Variants in EYA4 observed in about 807,000 individuals in gnomAD.
The protein encoded by EYA4 is protein phosphatase EYA4.
Under a neutral mutation model 87.9 loss-of-function variants are expected in EYA4, and 31 were observed. The ratio of observed to expected loss-of-function variants is 0.35; its 90% CI spans 0.27 to 0.48. The LOEUF (loss-of-function observed/expected upper bound fraction) is 0.48. Among genes scored for constraint, EYA4 ranks in the 20% least tolerant of loss-of-function variants. EYA4 has a pLI of 0.99. For missense variants in EYA4, 678 were observed against 761.4 expected, an observed-to-expected ratio of 0.89 and a Z score of 1.29; for synonymous variants, 263 against 270.6, an observed-to-expected ratio of 0.97 and a Z score of 0.28.
rs77541639 is a variant in EYA4 at position 133,294,385 on chromosome 6, T to A, written c.33+19572T>A. ...TTTTTGTTTTTTTTGTTTTTTTTTTTAAGAGACAGTCTTACTTCATTGCCC... is the reference window on the plus strand; with the variant it reads ...TTTTTGTTTTTTTTGTTTTTTTTTTAAAGAGACAGTCTTACTTCATTGCCC... On this transcript the variant is annotated intron_variant, in intron 2 of 19. Coordinates refer to ENST00000355286, the MANE Select transcript of EYA4 (RefSeq NM_004100.5). 9.1e-4 allele frequency among the ~76,000 whole-genome samples: 138 copies of A among 151,008 alleles called. 2 individuals carry two copies. The highest frequency in any genetic ancestry group is 3.2e-3 in the African/African-American group (132 of 41,170).
At chr6:133,274,199 G>A (rs1776977384) in intron 1 of EYA4, among the ~76,000 whole-genome samples, 1 of 151,864 alleles carries the variant, frequency 6.6e-6, no homozygotes. Flanking sequence ...TTAACATATT[G>A]TCTTTTTAAG....
rs769960534 is a variant in EYA4, at chr6:133,531,220, G to A, written c.*2415G>A. 33 of 1,534,528 alleles carry A rather than the reference G, an allele frequency of 2.2e-5. No homozygotes were observed. The highest frequency in any genetic ancestry group is 2.6e-5 in the Non-Finnish European group (30 of 1,146,520). ...GATTCTGTGTTCAGAAGAGGCTGCC[G>A]GCATAAAACCTAAATGCAAGGTTGA... On this transcript the variant is annotated 3_prime_UTR_variant, in exon 20 of 20. Coordinates refer to ENST00000355286, the MANE Select transcript of EYA4 (RefSeq NM_004100.5).
chr6:133,530,741 A>T lies in EYA4; in HGVS notation c.*1936A>T. On this transcript the variant is annotated 3_prime_UTR_variant, in exon 20 of 20. Coordinates refer to ENST00000355286, the MANE Select transcript of EYA4 (RefSeq NM_004100.5). Reference sequence around the variant, plus strand: ...TTTTGTACAAGATTGTGATTTCATTATCTAAACCTTAAACTTAATCCTTTA... The same window carrying T: ...TTTTGTACAAGATTGTGATTTCATTTTCTAAACCTTAAACTTAATCCTTTA... The T allele has an allele frequency of 3.0e-6, 3 of 986,178 alleles. No homozygotes were observed. Among genetic ancestry groups the T allele is most frequent in the Non-Finnish European group, 3.6e-6 (3 of 830,048 alleles). The allele number at this position is 986,178 out of a possible 1,614,324, so 61.1% of individuals were successfully genotyped here.
At chr6:133,482,223 A>G (rs1796276269) in intron 12 of EYA4, among the ~76,000 whole-genome samples, 1 of 152,222 alleles carries the variant, frequency 6.6e-6, no homozygotes, top group African/African-American at 2.4e-5. Context: ...TAAGAAAAAA[A>G]TTGAACTTCC....
chr6:133,277,269 C>T (rs6569874), intron 2 of EYA4, among the ~76,000 whole-genome samples: 51,313 of 151,908 alleles, frequency 0.34, 9,126 homozygotes, highest in African/African-American at 0.43. Flanking sequence ...CACTATTTTA[C>T]AGATGAAACT....
At chr6:133,246,645 T>C (rs1774432022) in intron 1 of EYA4, among the ~76,000 whole-genome samples, 1 of 152,158 alleles carries the variant, frequency 6.6e-6, no homozygotes, top group Non-Finnish European at 1.5e-5. Flanking sequence ...TCCTAAAGTG[T>C]ATTTTTAAAT....
intron 2 of EYA4, among the ~76,000 whole-genome samples, chr6:133,292,820 A>AG (rs1470161672): frequency 6.6e-6 from 1 of 152,228 alleles, no homozygotes; most frequent in Non-Finnish European, 1.5e-5. Flanking sequence ...CCTGAATGTC[A>AG]ACCCTTTGGC....
chr6:133,375,126 G>C (rs1199832898), intron 2 of EYA4, among the ~76,000 whole-genome samples: 1 of 152,018 alleles, frequency 6.6e-6, no homozygotes, highest in Non-Finnish European at 1.5e-5. Context: ...GTATTGAGAA[G>C]TGTTGACACA....
intron 13 of EYA4, among the ~76,000 whole-genome samples, chr6:133,495,743 G>T (rs1253222972): frequency 6.6e-6 from 1 of 152,026 alleles, no homozygotes; most frequent in Non-Finnish European, 1.5e-5. Flanking sequence ...TAACCTGCAG[G>T]GCCTGTTGAG....
At chr6:133,461,453 C>A (rs914314853) in intron 7 of EYA4, among the ~76,000 whole-genome samples, 1 of 152,060 alleles carries the variant, frequency 6.6e-6, no homozygotes, top group African/African-American at 2.4e-5. Context: ...TACATTTTAT[C>A]TAAATGTCAA....
chr6:133,294,023 T>A (rs1390131764), intron 2 of EYA4, among the ~76,000 whole-genome samples: 10 of 78,778 alleles, frequency 1.3e-4, no homozygotes, highest in Non-Finnish European at 2.5e-4. Context: ...TAGGGTGATT[T>A]TATATATATA....
chr6:133,450,212 C>T (rs530246335), intron 5 of EYA4, among the ~76,000 whole-genome samples: 1 of 152,214 alleles, frequency 6.6e-6, no homozygotes, highest in South Asian at 2.1e-4. Flanking sequence ...GTCTCGATCT[C>T]CTGACTTCGT....
At chr6:133,508,467 G>A (rs1281917226) in intron 14 of EYA4, among the ~76,000 whole-genome samples, 1 of 152,040 alleles carries the variant, frequency 6.6e-6, no homozygotes, top group East Asian at 1.9e-4. Context: ...GCATTGTAAA[G>A]AGGATCTTAA....
intron 5 of EYA4, among the ~76,000 whole-genome samples, chr6:133,454,861 C>G (rs1026880231): frequency 6.6e-6 from 1 of 152,032 alleles, no homozygotes; most frequent in African/African-American, 2.4e-5. Flanking sequence ...AGAAGAGACA[C>G]TGTCATGAGC....
chr6:133,254,073 T>G (rs141493953), intron 1 of EYA4, among the ~76,000 whole-genome samples: 17 of 152,290 alleles, frequency 1.1e-4, no homozygotes, highest in African/African-American at 4.1e-4. Context: ...TACTCCAACT[T>G]ATTTAAAGCC....
rs115007792 is a variant in EYA4, at chr6:133,408,451, G to A, written c.83+26010G>A. Among the ~76,000 whole-genome samples, 873 of 152,050 alleles carry A rather than the reference G, an allele frequency of 5.7e-3. 5 individuals are homozygous for A. Among genetic ancestry groups the A allele is most frequent in the African/African-American group, 0.019 (785 of 41,464 alleles). On this transcript the variant is annotated intron_variant, in intron 3 of 19. Coordinates refer to ENST00000355286, the MANE Select transcript of EYA4 (RefSeq NM_004100.5). ...ATTTGGTCTGGTTCTTAGAATCTAC[G>A]CATAAGATTAAATGAATCTCAGCAA...
chr6:133,420,671 C>G (rs1790143446), intron 3 of EYA4, among the ~76,000 whole-genome samples: 1 of 152,158 alleles, frequency 6.6e-6, no homozygotes, highest in Non-Finnish European at 1.5e-5. Flanking sequence ...TGACCTTGAC[C>G]AACTTTAACA....
Position 133,394,282 on chromosome 6 carries a change from G to GTA in EYA4, c.83+11842_83+11843insAT, listed in dbSNP as rs1562368948. On this transcript the variant is annotated intron_variant, in intron 3 of 19. Coordinates refer to ENST00000355286, the MANE Select transcript of EYA4 (RefSeq NM_004100.5). Reference sequence around the variant, plus strand: ...GTTGGAAAAATGTATATATAAGCTTGTGTTTTTTTTTTTTTTTTTTTTTTT... The same window carrying GTA: ...GTTGGAAAAATGTATATATAAGCTTGTATGTTTTTTTTTTTTTTTTTTTTTTT... Among the ~76,000 whole-genome samples the GTA allele has an allele frequency of 6.2e-4, 67 of 107,810 alleles. 5 individuals carry two copies. The highest frequency in any genetic ancestry group is 5.0e-3 in the Middle Eastern group (1 of 202). The allele number at this position is 107,810 out of a possible 152,430, so 70.7% of individuals were successfully genotyped here.
At chr6:133,415,218 G>C (rs896323901) in intron 3 of EYA4, among the ~76,000 whole-genome samples, 2 of 152,148 alleles carry the variant, frequency 1.3e-5, no homozygotes, top group Non-Finnish European at 2.9e-5. Context: ...CTCATTACTG[G>C]GTAGGTAAGT....
Sources: allele counts gnomAD v4.1 joint callset (sites outside exome capture counted in the v4.1 genomes callset), GRCh38; gene constraint gnomAD v4.1.1; transcripts MANE v1.5; gene names NCBI Gene and HGNC (gene_info 2026-07-23, HGNC 2026-07-21).